The following DAP variants were observed in gnomAD, a reference collection of about 807,000 sequenced individuals.
DAP encodes the protein death associated protein.
A neutral mutation model predicts 13.8 loss-of-function variants in DAP; 8 were observed. The ratio of observed to expected loss-of-function variants is 0.58; its 90% CI spans 0.34 to 1.05. The LOEUF is 1.05. DAP is among the 50% of genes least tolerant of loss of function. DAP has a pLI of 0.03. For missense variants in DAP, 106 were observed against 133.2 expected, an observed-to-expected ratio of 0.80 and a Z score of 1.01; for synonymous variants, 47 against 47.5, an observed-to-expected ratio of 0.99 and a Z score of 0.04.
chr5:10,709,244 TAGGTTTGCTATTC>T (rs1432175415), intron 2 of DAP, among the ~76,000 whole-genome samples: 2 of 152,274 alleles, frequency 1.3e-5, no homozygotes, highest in African/African-American at 4.8e-5. Context: ...TAAATGTTTT[TAGGTTTGCTATTC>T]AGGACGTGTA....
intron 2 of DAP, among the ~76,000 whole-genome samples, chr5:10,733,365 G>C (rs535071183): frequency 6.6e-6 from 1 of 152,242 alleles, no homozygotes; most frequent in African/African-American, 2.4e-5. Context: ...CCCAGAAGAG[G>C]ACGAGGGCTA....
intron 2 of DAP, among the ~76,000 whole-genome samples, chr5:10,684,525 A>G (rs1268776774): frequency 1.3e-5 from 2 of 152,232 alleles, no homozygotes; most frequent in Non-Finnish European, 2.9e-5. Context: ...CAGCAGGTCT[A>G]CCACCTGGAA....
intron 1 of DAP, among the ~76,000 whole-genome samples, chr5:10,756,319 ATG>A (rs1740181091): frequency 1.1e-5 from 1 of 94,320 alleles, no homozygotes; most frequent in Admixed American, 1.0e-4. Context: ...CACTGGGACT[ATG>A]CTTAGCAAAT....
In DAP at chr5:10,730,811, G is replaced by A. The variant is rs182905101; in HGVS notation, c.152+17364C>T. On this transcript the variant is annotated intron_variant, in intron 2 of 3. Coordinates refer to ENST00000230895, the MANE Select transcript of DAP (RefSeq NM_004394.3). ...TTCTCTATTGAGAGCCCTGGTGGGG[G>A]GAATCCTTCTCTATTGAGAGCCCTG... Among the ~76,000 whole-genome samples, 36 of 131,984 alleles carry A rather than the reference G, an allele frequency of 2.7e-4. 1 individual carries two copies. The highest frequency in any genetic ancestry group is 9.8e-4 in the African/African-American group (33 of 33,818). 86.6% of individuals were successfully genotyped at this position (131,984 alleles called of 152,430 possible).
intron 1 of DAP, among the ~76,000 whole-genome samples, chr5:10,757,998 G>T (rs1740235610): frequency 1.3e-5 from 2 of 152,190 alleles, no homozygotes; most frequent in Admixed American, 6.5e-5. Context: ...ATATGGGCCA[G>T]ACAGCAACAA....
chr5:10,688,089 T>C (rs1046751012), intron 2 of DAP, among the ~76,000 whole-genome samples: 3 of 152,126 alleles, frequency 2.0e-5, no homozygotes, highest in Non-Finnish European at 2.9e-5. Context: ...CTAATTTTTG[T>C]ATTTTTAGTA....
chr5:10,753,580 C>T (rs1013568462), intron 1 of DAP, among the ~76,000 whole-genome samples: 2 of 152,230 alleles, frequency 1.3e-5, no homozygotes, highest in Non-Finnish European at 2.9e-5. Context: ...AGCATCCGTC[C>T]TCAGGTGTCA....
intron 2 of DAP, among the ~76,000 whole-genome samples, chr5:10,691,318 C>T (rs573317606): frequency 6.6e-6 from 1 of 152,368 alleles, no homozygotes; most frequent in East Asian, 1.9e-4. Flanking sequence ...GGCCCAAAGG[C>T]TTCAGAGCCC....
intron 2 of DAP, among the ~76,000 whole-genome samples, chr5:10,720,421 A>G (rs1258676704): frequency 6.6e-6 from 1 of 152,230 alleles, no homozygotes; most frequent in Non-Finnish European, 1.5e-5. Flanking sequence ...GACTTCTCTC[A>G]GTGGTCAAAA....
Position 10,683,883 on chromosome 5 carries a change from G to T in DAP, c.153-312C>A, listed in dbSNP as rs141535026. 2.0e-5 allele frequency among the ~76,000 whole-genome samples: 3 copies of T among 152,300 alleles called. No homozygotes were observed. In the East Asian group the frequency reaches 5.8e-4, roughly 29 times the overall value. On this transcript the variant is annotated intron_variant, in intron 2 of 3. Transcript: ENST00000230895. ...TCTCTGTCACCCAGGCTGGAATGCAGAGGCACGATCATAGCTCACAGCAGC... is the reference window on the plus strand; with the variant it reads ...TCTCTGTCACCCAGGCTGGAATGCATAGGCACGATCATAGCTCACAGCAGC...
Position 10,681,247 on chromosome 5 carries a change from C to G in DAP, c.196-78G>C, listed in dbSNP as rs190791931. ...TGGGTGAGGAAGCCCCAGGCCAGTGCCCACCAGCGTCCCTGCGGAAGGATA... is the reference window on the plus strand; with the variant it reads ...TGGGTGAGGAAGCCCCAGGCCAGTGGCCACCAGCGTCCCTGCGGAAGGATA... On this transcript the variant is annotated intron_variant, in intron 3 of 3. Transcript: ENST00000230895. 343 of 1,132,892 alleles carry G rather than the reference C, an allele frequency of 3.0e-4. 1 individual carries two copies. The African/African-American group carries it at 4.0e-3, about 13-fold the overall frequency. 70.2% of individuals were successfully genotyped at this position (1,132,892 alleles called of 1,614,324 possible).
intron 2 of DAP, among the ~76,000 whole-genome samples, chr5:10,745,889 AATTACT>A (rs757771597): frequency 1.3e-5 from 2 of 152,198 alleles, no homozygotes; most frequent in African/African-American, 2.4e-5. Context: ...CCTAGAGGGA[AATTACT>A]ACAGGCTTAC....
At chr5:10,722,586 A>G (rs889211797) in intron 2 of DAP, among the ~76,000 whole-genome samples, 1 of 128,016 alleles carries the variant, frequency 7.8e-6, no homozygotes, top group Non-Finnish European at 1.7e-5. Flanking sequence ...ACATATATAT[A>G]CATATATACA....
At chr5:10,717,827 C>T (rs780993422) in intron 2 of DAP, among the ~76,000 whole-genome samples, 2 of 151,666 alleles carry the variant, frequency 1.3e-5, no homozygotes, top group Non-Finnish European at 2.9e-5. Context: ...GCTAATTAAT[C>T]ACAGTGTTCC....
chr5:10,758,069 G>A (rs985298967), intron 1 of DAP, among the ~76,000 whole-genome samples: 3 of 152,174 alleles, frequency 2.0e-5, no homozygotes, highest in African/African-American at 7.2e-5. Context: ...ATTTCTGATT[G>A]AGCATTGAGG....
chr5:10,718,320 T>C (rs917236662), intron 2 of DAP, among the ~76,000 whole-genome samples: 1 of 152,166 alleles, frequency 6.6e-6, no homozygotes, highest in African/African-American at 2.4e-5. Context: ...ACTCATCCTG[T>C]GGTCAATCCC....
intron 2 of DAP, among the ~76,000 whole-genome samples, chr5:10,714,701 G>A (rs1024935226): frequency 6.6e-6 from 1 of 152,136 alleles, no homozygotes; most frequent in Non-Finnish European, 1.5e-5. Flanking sequence ...GGTGGGAGGC[G>A]ACTGCATCAT....
chr5:10,695,037 C>T (rs1579789083), intron 2 of DAP, among the ~76,000 whole-genome samples: 1 of 152,202 alleles, frequency 6.6e-6, no homozygotes, highest in East Asian at 1.9e-4. Flanking sequence ...GAAATACCTT[C>T]TTGGCTTGGT....
At chr5:10,756,367 T>TGG (rs1383294096) in intron 1 of DAP, among the ~76,000 whole-genome samples, 30 of 91,614 alleles carry the variant, frequency 3.3e-4, no homozygotes, top group South Asian at 3.5e-4. Flanking sequence ...CAAATTAGTC[T>TGG]TCTGTTTCTA....
Sources: gnomAD v4.1 joint callset for allele counts (sites outside exome capture counted in the v4.1 genomes callset) on GRCh38, gnomAD v4.1.1 for gene constraint, MANE v1.5 for transcripts, NCBI Gene and HGNC (gene_info 2026-07-23, HGNC 2026-07-21) for gene names.